The following KIF26B variants were observed in gnomAD, a reference collection of about 807,000 sequenced individuals.
KIF26B encodes the protein kinesin family member 26B, also known as kinesin-like protein KIF26B.
KIF26B carries 63 observed loss-of-function variants against 151.2 expected under a neutral mutation model. The observed-to-expected ratio is 0.42, with a 90% CI of 0.34 to 0.51. The LOEUF (loss-of-function observed/expected upper bound fraction) is 0.51. Ranked by LOEUF, KIF26B falls within the 20% of genes least tolerant of loss-of-function variation. The pLI, the probability that KIF26B is intolerant of heterozygous loss-of-function variation, is 0.07. For missense variants in KIF26B, 2,813 were observed against 2,913.6 expected (o/e 0.97, Z 0.79); for synonymous variants, 1,357 against 1,262.1 (o/e 1.08, Z -1.59).
At chr1:245,204,037 A>G (rs563973274) in intron 2 of KIF26B, among the ~76,000 whole-genome samples, 122 of 152,322 alleles carry the variant, frequency 8.0e-4, no homozygotes, top group South Asian at 7.0e-3. Context: ...GCTGTCCCCA[A>G]GCCAGTTAGC....
intron 3 of KIF26B, among the ~76,000 whole-genome samples, chr1:245,407,246 G>A (rs553392557): frequency 1.3e-5 from 2 of 152,226 alleles, no homozygotes; most frequent in South Asian, 4.2e-4. Flanking sequence ...GGCAGGGTGG[G>A]GCCCTTTAGC....
chr1:245,615,706 G>A (rs1347705253), intron 9 of KIF26B, among the ~76,000 whole-genome samples: 1 of 152,228 alleles, frequency 6.6e-6, no homozygotes, highest in Non-Finnish European at 1.5e-5. Context: ...TAATGTTTCA[G>A]TGGATGAGAA....
At chr1:245,666,997 G>A (rs1043848599) in intron 10 of KIF26B, among the ~76,000 whole-genome samples, 1 of 152,122 alleles carries the variant, frequency 6.6e-6, no homozygotes, top group Non-Finnish European at 1.5e-5. Context: ...TGATGGTAAT[G>A]TTGGTGTAAA....
At chr1:245,422,793 G>A (rs571713959) in intron 4 of KIF26B, among the ~76,000 whole-genome samples, 22 of 152,222 alleles carry the variant, frequency 1.4e-4, no homozygotes, top group Admixed American at 2.6e-4. Flanking sequence ...CACAGGGGTG[G>A]CCTGCTTTCA....
chr1:245,374,199 C>G (rs1351199267), intron 3 of KIF26B, among the ~76,000 whole-genome samples: 1 of 130,366 alleles, frequency 7.7e-6, no homozygotes, highest in Non-Finnish European at 1.6e-5. Context: ...TGCTAAATGA[C>G]AGGACCTCTG....
chr1:245,438,055 G>T (rs2103045384), intron 4 of KIF26B, among the ~76,000 whole-genome samples: 1 of 152,088 alleles, frequency 6.6e-6, no homozygotes, highest in South Asian at 2.1e-4. Flanking sequence ...AGCATCAGAA[G>T]ACCAAAACAC....
At chr1:245,176,794 TG>T (rs1037415576) in intron 2 of KIF26B, among the ~76,000 whole-genome samples, 129 of 152,356 alleles carry the variant, frequency 8.5e-4, no homozygotes, top group African/African-American at 3.0e-3. Context: ...TTAACGGTCA[TG>T]TTTACTTTTG....
intron 2 of KIF26B, among the ~76,000 whole-genome samples, chr1:245,219,370 C>T (rs1185143272): frequency 3.9e-5 from 6 of 151,944 alleles, no homozygotes; most frequent in South Asian, 2.1e-4. Flanking sequence ...CTGCCTGCCC[C>T]GGCCTCCCAA....
intron 3 of KIF26B, among the ~76,000 whole-genome samples, chr1:245,382,565 G>GTT (rs778235908): frequency 0.12 from 16,839 of 145,618 alleles, 1,059 homozygotes; most frequent in East Asian, 0.31. Flanking sequence ...TTTGTTTCTT[G>GTT]TTTTGTTTTG....
chr1:245,463,653 G>A (rs952486278), intron 4 of KIF26B, among the ~76,000 whole-genome samples: 19 of 152,166 alleles, frequency 1.2e-4, no homozygotes, highest in Admixed American at 1.2e-3. Context: ...GGTGAGTCCC[G>A]CCTATTGCCT....
intron 3 of KIF26B, among the ~76,000 whole-genome samples, chr1:245,374,498 C>T (rs1334450181): frequency 2.0e-5 from 3 of 152,048 alleles, no homozygotes; most frequent in Admixed American, 6.6e-5. Flanking sequence ...TTTTCATCCA[C>T]GTTCTTCGCA....
intron 3 of KIF26B, among the ~76,000 whole-genome samples, chr1:245,405,318 C>T (rs1188244237): frequency 6.6e-6 from 1 of 152,188 alleles, no homozygotes; most frequent in Non-Finnish European, 1.5e-5. Context: ...ATAAGATCAG[C>T]CCACAAATGT....
chr1:245,635,575 C>G (rs2043826109), intron 9 of KIF26B, among the ~76,000 whole-genome samples: 1 of 151,988 alleles, frequency 6.6e-6, no homozygotes. Context: ...ACTTTTGATT[C>G]ATCGACTTTT....
chr1:245,207,204 C>T (rs143776511), intron 2 of KIF26B, among the ~76,000 whole-genome samples: 3 of 152,296 alleles, frequency 2.0e-5, no homozygotes, highest in Admixed American at 6.5e-5. Context: ...ACAAGGAGAA[C>T]GAGCACTCAA....
chr1:245,493,105 GCCATACTT>G (rs1660443359), intron 4 of KIF26B, among the ~76,000 whole-genome samples: 1 of 152,002 alleles, frequency 6.6e-6, no homozygotes, highest in South Asian at 2.1e-4. Context: ...ACCAAATTCT[GCCATACTT>G]ACAAACGTGT....
Position 245,667,025 on chromosome 1 carries a change from C to T in KIF26B, c.2259-17208C>T, listed in dbSNP as rs1488382687. Among the ~76,000 whole-genome samples the T allele has an allele frequency of 1.3e-5, 2 of 152,084 alleles. No homozygotes were observed. The highest frequency in any genetic ancestry group is 2.1e-4 in the South Asian group (1 of 4,822). ...GGTGTAAAATGTCTCTGCTGTGATC[C>T]ACCCTTGAAGACTGTGAGCTGTGCA... On this transcript the variant is annotated intron_variant, in intron 10 of 14. Coordinates refer to ENST00000407071, the MANE Select transcript of KIF26B (RefSeq NM_018012.4). This position sits in a 1 kb window ranked among gnomAD's most constrained non-coding sequence, Gnocchi z 4.3.
At chr1:245,355,583 G>A (rs1334771402) in intron 2 of KIF26B, among the ~76,000 whole-genome samples, 1 of 141,042 alleles carries the variant, frequency 7.1e-6, no homozygotes, top group Admixed American at 7.2e-5. Flanking sequence ...GCAACACAGT[G>A]AGACCCTGTC....
Position 245,256,103 on chromosome 1 carries a change from G to A in KIF26B, c.465+99420G>A, listed in dbSNP as rs112613560. Among the ~76,000 whole-genome samples the A allele has an allele frequency of 7.9e-3, 1,202 of 152,234 alleles. 16 individuals carry two copies. Among genetic ancestry groups the A allele is most frequent in the African/African-American group, 0.027 (1,132 of 41,534 alleles). On this transcript the variant is annotated intron_variant, in intron 2 of 14. Transcript: ENST00000407071. ...TACCTGCCTTGTGCTGGAAAGGGCC[G>A]GGATTTGGGTATGCCCTTCTCAGCT...
chr1:245,285,394 A>G (rs552620683), intron 2 of KIF26B, among the ~76,000 whole-genome samples: 22 of 152,352 alleles, frequency 1.4e-4, no homozygotes, highest in Admixed American at 6.5e-4. Context: ...CTCTAGTGGA[A>G]GGAGCGGCAA....
Sources: gnomAD v4.1 joint callset for allele counts (sites outside exome capture counted in the v4.1 genomes callset) on GRCh38, gnomAD v4.1.1 for gene constraint, Gnocchi (gnomAD v3.1) non-coding constraint, MANE v1.5 for transcripts, NCBI Gene and HGNC (gene_info 2026-07-23, HGNC 2026-07-21) for gene names.